Variants in HOXA9 observed in about 807,000 individuals in gnomAD.
HOXA9 encodes the protein homeobox protein Hox-A9.
HOXA9 carries 18 observed loss-of-function variants against 19.0 expected under a neutral mutation model. That is an observed-to-expected ratio of 0.95 (90% CI 0.65 to 1.40). The LOEUF (loss-of-function observed/expected upper bound fraction) is 1.40. Ranked by LOEUF, HOXA9 falls within the 40% of genes most tolerant of loss-of-function variation. The pLI is 0.00. For synonymous variants in HOXA9, 198 were observed against 161.1 expected (o/e 1.23, Z -1.73); for missense variants, 443 against 372.2 (o/e 1.19, Z -1.57).
chr7:27,163,999 A>T (rs1054876411), intron 1 of HOXA9, among the ~76,000 whole-genome samples, 158 bp from the exon 2 acceptor site: 4 of 152,168 alleles, frequency 2.6e-5, no homozygotes, highest in Non-Finnish European at 5.9e-5. Context: ...CCTGGCAGAC[A>T]GACGCACAGA....
rs1460228201 is a variant in HOXA9, at chr7:27,163,828, G to A, written c.594C>T (p.Ala198=). Residue 198 remains alanine (A), a synonymous_variant, in exon 2 of 2, where the codon GCC becomes GCT. Coordinates refer to ENST00000343483, the MANE Select transcript of HOXA9 (RefSeq NM_152739.4). The stretch of plus-strand genomic sequence containing the variant: ...GAGTGGAGCGCGCATGAAGCCAGTT[G>A]GCTGCTGGGTTATCTGCGGGGAAGA... ...KPPIDPNNPA[A]NWLHARSTRK... is the part of the protein sequence containing the mutation. 6.2e-7 allele frequency: 1 copy of A among 1,613,896 alleles called. No individual in the cohort carries two copies. The highest frequency in any genetic ancestry group is 1.7e-5 in the Admixed American group (1 of 60,018).
In HOXA9 at chr7:27,164,614, T is replaced by A. The variant is rs1300430238; in HGVS notation, c.580+264A>T. Among the ~76,000 whole-genome samples the A allele has an allele frequency of 5.3e-5, 8 of 152,326 alleles. No individual in the cohort carries two copies. The East Asian group carries it at 1.2e-3, about 22-fold the overall frequency. On this transcript the variant is annotated intron_variant, in intron 1 of 1. Coordinates refer to ENST00000343483, the MANE Select transcript of HOXA9 (RefSeq NM_152739.4). ...GGCAGCCAAGGAGAGGGGCGGCCAG[T>A]CTTGGCTCGTCCCGAAGTGCCCGCC...
At chr7:27,164,363 C>A (rs1192147126) in intron 1 of HOXA9, among the ~76,000 whole-genome samples, 1 of 152,234 alleles carries the variant, frequency 6.6e-6, no homozygotes, top group African/African-American at 2.4e-5. Flanking sequence ...TTTGAATAAT[C>A]TGTCATGGGG....
Position 27,165,021 on chromosome 7 carries a change from G to T in HOXA9, c.437C>A (p.Thr146Lys). 6.2e-7 allele frequency: 1 copy of T among 1,614,238 alleles called. No individual in the cohort carries two copies. Among genetic ancestry groups the T allele is most frequent in the Non-Finnish European group, 8.5e-7 (1 of 1,180,036 alleles). The change falls in exon 1 of 2, where the codon ACG becomes AAG. Residue 146 changes from threonine (T) to lysine (K), a missense_variant. Physicochemically the swap from Thr to Lys is moderately conservative, Grantham distance 78 (BLOSUM62 -1). Coordinates refer to ENST00000343483, the MANE Select transcript of HOXA9 (RefSeq NM_152739.4). ...PLSARRGDCPTLDTHTLSLTD... is the reference protein window; with the variant it reads ...PLSARRGDCPKLDTHTLSLTD... The stretch of plus-strand genomic sequence containing the variant: ...CAGGGACAAAGTGTGAGTGTCAAGC[G>T]TGGGACAGTCACCCCTTCTGGCCGA...
Position 27,165,248 on chromosome 7 carries a change from C to A in HOXA9, c.210G>T (p.Val70=). The change falls in exon 1 of 2, where the codon GTG becomes GTT. Residue 70 remains valine, a synonymous_variant. Transcript: ENST00000343483. ...ATVFGASWNP[V]HAAGANAVPA... The stretch of plus-strand genomic sequence containing the variant: ...GTACAGCGTTGGCGCCCGCCGCGTG[C>A]ACTGGGTTCCACGAGGCGCCAAACA... The A allele has an allele frequency of 6.4e-7, 1 of 1,559,490 alleles. No homozygotes were observed.
At position 27,165,367 on chromosome 7, in the gene HOXA9, C is replaced by CT; in HGVS notation, c.90_91insA (p.Ala31SerfsTer103). 1 of 1,602,206 alleles carries CT rather than the reference C, an allele frequency of 6.2e-7. No homozygotes were observed. The highest frequency in any genetic ancestry group is 2.3e-5 in the East Asian group (1 of 44,238). On this transcript the variant is annotated frameshift_variant, in exon 1 of 2. Transcript: ENST00000343483. LOFTEE classifies it high-confidence loss of function. Reference sequence around the variant, plus strand: ...GGAGGCTGGCCCAGGGTCCCCGGCGCATAGCGGCCAACGCTCAGCTCATCC... The same window carrying CT: ...GGAGGCTGGCCCAGGGTCCCCGGCGCTATAGCGGCCAACGCTCAGCTCATCC...
At chr7:27,163,894 G>T (rs1464473402) in intron 1 of HOXA9, 53 bp from the exon 2 acceptor site, 3 of 1,455,890 alleles carry the variant, frequency 2.1e-6, no homozygotes, top group African/African-American at 1.4e-5. Context: ...CATCCCGCTG[G>T]GGCAAATGAG....
chr7:27,165,161 C>T lies in HOXA9; in HGVS notation c.297G>A (p.Ala99=), dbSNP rs573758059. ...TGTACCTGCCGTCCGGCGCCGCCGC[C>T]GCCACGGGCGCCTGGGGGTGCACGT... The part of the protein sequence containing the change: ...HPYVHPQAPV[A]AAAPDGRYMR... Residue 99 remains alanine, a synonymous_variant, in exon 1 of 2, where the codon GCG becomes GCA. Coordinates refer to ENST00000343483, the MANE Select transcript of HOXA9 (RefSeq NM_152739.4). 116 of 1,597,146 alleles carry T rather than the reference C, an allele frequency of 7.3e-5. 1 individual carries two copies. In the South Asian group the frequency reaches 1.2e-3, roughly 17 times the overall value.
intron 1 of HOXA9, 32 bp downstream of exon 1, chr7:27,164,846 C>T (rs374919224): frequency 1.3e-6 from 2 of 1,589,270 alleles, no homozygotes; most frequent in South Asian, 1.1e-5. Context: ...GGCGTGGAGG[C>T]GGCGGCGGAT....
chr7:27,163,979 A>T, intron 1 of HOXA9, 138 bp from the exon 2 acceptor site: 2 of 703,680 alleles, frequency 2.8e-6, no homozygotes, highest in South Asian at 3.4e-5. Flanking sequence ...GGCCTCGGAC[A>T]CAATGGAACC....
Position 27,165,418 on chromosome 7 carries a change from A to G in HOXA9, c.40T>C (p.Ser14Pro). Residue 14 changes from serine (S) to proline (P), a missense_variant, in exon 1 of 2, where the codon TCG (serine) becomes CCG (proline). Physicochemically the swap from Ser to Pro is moderately conservative, Grantham distance 74. Coordinates refer to ENST00000343483, the MANE Select transcript of HOXA9 (RefSeq NM_152739.4). The part of the protein sequence containing the change: ...TGALGNYYVD[S>P]FLLGADAADE... ...GCGGCGTCGGCGCCCAGCAGGAACG[A>G]GTCCACGTAGTAGTTGCCCAGGGCC... is the stretch of plus-strand genomic sequence containing the variant. The G allele has an allele frequency of 6.2e-7, 1 of 1,609,856 alleles. No homozygotes were observed. Among genetic ancestry groups the G allele is most frequent in the Non-Finnish European group, 8.5e-7 (1 of 1,179,054 alleles).
Position 27,165,228 on chromosome 7 carries a change from G to A in HOXA9, c.230C>T (p.Ala77Val), listed in dbSNP as rs746773228. The A allele has an allele frequency of 1.3e-6, 2 of 1,573,298 alleles. No individual in the cohort carries two copies. The highest frequency in any genetic ancestry group is 2.7e-5 in the African/African-American group (2 of 74,222). ...GTGGTGGTACACCGCAGCGGGTACAGCGTTGGCGCCCGCCGCGTGCACTGG... is the reference window on the plus strand; with the variant it reads ...GTGGTGGTACACCGCAGCGGGTACAACGTTGGCGCCCGCCGCGTGCACTGG... ...WNPVHAAGAN[A>V]VPAAVYHHHH... is the part of the protein sequence containing the mutation. The change falls in exon 1 of 2, where the codon GCT (alanine) becomes GTT (valine). Residue 77 changes from alanine (A) to valine (V), a missense_variant. Physicochemically the swap from Ala to Val is moderately conservative, Grantham distance 64. Coordinates refer to ENST00000343483, the MANE Select transcript of HOXA9 (RefSeq NM_152739.4).
chr7:27,165,059 T>C lies in HOXA9; in HGVS notation c.399A>G (p.Lys133=). ...CCCTTCTGGCCGACAGCGGTTCAGG[T>C]TTAATGCCATAAGGCCGGCTGGAGG... ...GLPSSRPYGI[K]PEPLSARRGD... Residue 133 remains lysine, a synonymous_variant, in exon 1 of 2, where the codon AAA becomes AAG. Coordinates refer to ENST00000343483, the MANE Select transcript of HOXA9 (RefSeq NM_152739.4). 6.2e-7 allele frequency: 1 copy of C among 1,614,022 alleles called. No individual in the cohort carries two copies. Among genetic ancestry groups the C allele is most frequent in the South Asian group, 1.1e-5 (1 of 91,072 alleles).
In HOXA9 at chr7:27,162,698, G is replaced by A. The variant is rs892678285; in HGVS notation, c.*905C>T. ...TAAAATTAAGCATAAACCCTAGGTA[G>A]TAACCTTCTGCACATATGTATAGCT... On this transcript the variant is annotated 3_prime_UTR_variant, in exon 2 of 2. Coordinates refer to ENST00000343483, the MANE Select transcript of HOXA9 (RefSeq NM_152739.4). 8.1e-5 allele frequency: 17 copies of A among 209,328 alleles called. No homozygotes were observed. Among genetic ancestry groups the A allele is most frequent in the Admixed American group, 6.5e-4 (11 of 16,886 alleles). 13.0% of individuals were successfully genotyped at this position (209,328 alleles called of 1,614,324 possible). A position where few individuals can be genotyped will look rare whatever the true frequency, so the allele number is the denominator to read the frequency against.
At position 27,163,606 on chromosome 7, in the gene HOXA9, C is replaced by T. The variant is rs1783249141; in HGVS notation, c.816G>A (p.Glu272=). The T allele has an allele frequency of 5.6e-6, 9 of 1,610,378 alleles. No individual in the cohort carries two copies. The highest frequency in any genetic ancestry group is 2.2e-5 in the South Asian group (2 of 91,008). The change falls in exon 2 of 2, where the codon GAG becomes GAA. Residue 272 remains glutamate, a synonymous_variant. Coordinates refer to ENST00000343483, the MANE Select transcript of HOXA9 (RefSeq NM_152739.4). Reference sequence around the variant, plus strand: ...TTCTAAATAAGCCCAAATGGCATCACTCGTCTTTTGCTCGGTCTTTGTTGA... The same window carrying T: ...TTCTAAATAAGCCCAAATGGCATCATTCGTCTTTTGCTCGGTCTTTGTTGA... ...KKINKDRAKD[E]
Position 27,163,737 on chromosome 7 carries a change from T to C in HOXA9, c.685A>G (p.Met229Val). 1.2e-6 allele frequency: 2 copies of C among 1,614,032 alleles called. No individual in the cohort carries two copies. Among genetic ancestry groups the C allele is most frequent in the Middle Eastern group, 1.6e-4 (1 of 6,062 alleles). Reference sequence around the variant, plus strand: ...TACCTGCGGTCCCTGGTGAGGTACATGTTGAACAGAAACTCTTTCTCCAGT... The same window carrying C: ...TACCTGCGGTCCCTGGTGAGGTACACGTTGAACAGAAACTCTTTCTCCAGT... ...LELEKEFLFNMYLTRDRRYEV... is the reference protein window; with the variant it reads ...LELEKEFLFNVYLTRDRRYEV... The change falls in exon 2 of 2, where the codon ATG becomes GTG. Residue 229 changes from methionine to valine, a missense_variant. Met to Val is a conservative substitution (Grantham distance 21). Coordinates refer to ENST00000343483, the MANE Select transcript of HOXA9 (RefSeq NM_152739.4).
At position 27,163,523 on chromosome 7, in the gene HOXA9, G is replaced by A. The variant is rs1300255592; in HGVS notation, c.*80C>T. 1 of 1,150,282 alleles carries A rather than the reference G, an allele frequency of 8.7e-7. No homozygotes were observed. Among genetic ancestry groups the A allele is most frequent in the Non-Finnish European group, 1.3e-6 (1 of 789,668 alleles). 71.3% of individuals were successfully genotyped at this position (1,150,282 alleles called of 1,614,324 possible). On this transcript the variant is annotated 3_prime_UTR_variant, in exon 2 of 2. Transcript: ENST00000343483. ...GGAGGCTAGGGTGGGGGTGAGAGAA[G>A]GGAGAAGGCGGAAGGGGGACGGACA...
rs931735346 is a variant in HOXA9, at chr7:27,165,440, G to A, written c.18C>T (p.Ala6=). MATTG[A]LGNYYVDSFL... Reference sequence around the variant, plus strand: ...ACGAGTCCACGTAGTAGTTGCCCAGGGCCCCAGTGGTGGCCATCACCGTGC... The same window carrying A: ...ACGAGTCCACGTAGTAGTTGCCCAGAGCCCCAGTGGTGGCCATCACCGTGC... The change falls in exon 1 of 2, where the codon GCC becomes GCT. Residue 6 remains alanine, a synonymous_variant. Transcript: ENST00000343483. 2.6e-5 allele frequency: 41 copies of A among 1,605,620 alleles called. No homozygotes were observed. Among genetic ancestry groups the A allele is most frequent in the Non-Finnish European group, 3.3e-5 (39 of 1,177,494 alleles).
In HOXA9 at chr7:27,165,466, C is replaced by T. The variant is rs1783314348; in HGVS notation, c.-9G>A. On this transcript the variant is annotated 5_prime_UTR_variant, in exon 1 of 2. Coordinates refer to ENST00000343483, the MANE Select transcript of HOXA9 (RefSeq NM_152739.4). Reference sequence around the variant, plus strand: ...GCCCCAGTGGTGGCCATCACCGTGCCCAGCGCCTGGCCCGCCCGGCCCGAC... The same window carrying T: ...GCCCCAGTGGTGGCCATCACCGTGCTCAGCGCCTGGCCCGCCCGGCCCGAC... 1 of 1,581,034 alleles carries T rather than the reference C, an allele frequency of 6.3e-7. No individual in the cohort carries two copies. The highest frequency in any genetic ancestry group is 1.1e-5 in the South Asian group (1 of 87,480).
Sources: allele counts gnomAD v4.1 joint callset (sites outside exome capture counted in the v4.1 genomes callset), GRCh38; gene constraint gnomAD v4.1.1; transcripts MANE v1.5; gene names NCBI Gene and HGNC (gene_info 2026-07-23, HGNC 2026-07-21).